Variants in DLG2 observed in about 807,000 individuals in gnomAD.
The protein encoded by DLG2 is disks large homolog 2.
A neutral mutation model predicts 132.5 loss-of-function variants in DLG2; 45 were observed. That is an observed-to-expected ratio of 0.34 (90% CI 0.27 to 0.44). DLG2 has a LOEUF of 0.44. Ranked by LOEUF, DLG2 falls within the 20% of genes least tolerant of loss-of-function variation. DLG2 has a pLI of 1.00. For missense variants in DLG2, 1,045 were observed against 1,196.9 expected (o/e 0.87, Z 1.87); for synonymous variants, 424 against 419.6 (o/e 1.01, Z -0.13).
chr11:84,893,388 T>G (rs970848626), intron 6 of DLG2, among the ~76,000 whole-genome samples: 1 of 152,160 alleles, frequency 6.6e-6, no homozygotes, highest in Non-Finnish European at 1.5e-5. Context: ...CACAATGGGT[T>G]TCAAATGGTG....
intron 6 of DLG2, among the ~76,000 whole-genome samples, chr11:84,777,088 C>G (rs2153899368): frequency 6.6e-6 from 1 of 151,600 alleles, no homozygotes; most frequent in South Asian, 2.1e-4. Flanking sequence ...TCATTTCACT[C>G]TGTATGTCCG....
intron 2 of DLG2, among the ~76,000 whole-genome samples, chr11:85,612,203 A>G (rs2081054758): frequency 6.6e-6 from 1 of 152,260 alleles, no homozygotes; most frequent in Non-Finnish European, 1.5e-5. Context: ...GTCAGTGTCA[A>G]CAAGGGCATA....
At chr11:84,549,594 A>T (rs1293524932) in intron 6 of DLG2, among the ~76,000 whole-genome samples, 5 of 152,182 alleles carry the variant, frequency 3.3e-5, no homozygotes, top group Admixed American at 6.6e-5. Flanking sequence ...GGAAGTATGA[A>T]GGCTCTCTGA....
intron 9 of DLG2, among the ~76,000 whole-genome samples, chr11:84,127,095 TG>T (rs568863524): frequency 1.5e-4 from 23 of 152,334 alleles, no homozygotes; most frequent in African/African-American, 4.8e-4. Context: ...AAACAATTTT[TG>T]TATAATCTAG....
chr11:85,180,469 G>C (rs911071814), intron 4 of DLG2, among the ~76,000 whole-genome samples: 4 of 151,706 alleles, frequency 2.6e-5, no homozygotes, highest in African/African-American at 9.7e-5. Context: ...ACGATGTTGT[G>C]TTATCTTACT....
At chr11:84,278,177 C>CT (rs1392011116) in intron 7 of DLG2, among the ~76,000 whole-genome samples, 2 of 151,322 alleles carry the variant, frequency 1.3e-5, no homozygotes, top group Non-Finnish European at 2.9e-5. Flanking sequence ...ACATGAGCCA[C>CT]TGTACCTGGC....
intron 3 of DLG2, among the ~76,000 whole-genome samples, chr11:85,486,532 C>A (rs1033138430): frequency 3.9e-5 from 6 of 152,130 alleles, no homozygotes; most frequent in Admixed American, 2.0e-4. Context: ...AATTTTTTAG[C>A]CCAGTCTACC....
intron 6 of DLG2, among the ~76,000 whole-genome samples, chr11:85,078,037 C>T (rs749724480): frequency 6.6e-6 from 1 of 151,670 alleles, no homozygotes; most frequent in South Asian, 2.1e-4. Context: ...GTATTATTAC[C>T]TTTTTTACAT....
intron 18 of DLG2, among the ~76,000 whole-genome samples, chr11:83,711,984 C>CAAAA (rs1445707966): frequency 6.6e-6 from 1 of 151,760 alleles, no homozygotes; most frequent in Non-Finnish European, 1.5e-5. Flanking sequence ...AGTCAAAAAG[C>CAAAA]AAAAAACAAA....
chr11:85,502,408 A>T (rs2153131956), intron 3 of DLG2, among the ~76,000 whole-genome samples: 1 of 151,670 alleles, frequency 6.6e-6, no homozygotes, highest in Middle Eastern at 3.4e-3. Flanking sequence ...GTAACCCAGA[A>T]CTTAAAGTAT....
chr11:85,132,373 T>G (rs2075782716), intron 5 of DLG2, among the ~76,000 whole-genome samples: 1 of 151,888 alleles, frequency 6.6e-6, no homozygotes, highest in South Asian at 2.1e-4. Flanking sequence ...GAAGACATGG[T>G]TTTTAAATGA....
chr11:83,504,059 G>A (rs2139351336), intron 21 of DLG2, among the ~76,000 whole-genome samples: 1 of 152,262 alleles, frequency 6.6e-6, no homozygotes, highest in Non-Finnish European at 1.5e-5. Flanking sequence ...TATGTCACAT[G>A]ATAAAGGAAA....
At chr11:83,474,464 A>T (rs1282368662) in intron 22 of DLG2, among the ~76,000 whole-genome samples, 3 of 152,164 alleles carry the variant, frequency 2.0e-5, no homozygotes, top group South Asian at 2.1e-4. Flanking sequence ...ATCGTAGACT[A>T]ACATTGCAAT....
At position 84,218,220 on chromosome 11, in the gene DLG2, A is replaced by AAAGG. The variant is rs199508712; in HGVS notation, c.573+33014_573+33017dup. On this transcript the variant is annotated intron_variant, in intron 8 of 27. Coordinates refer to ENST00000376104, the MANE Select transcript of DLG2 (RefSeq NM_001142699.3). ...AAGGAAAGGAAGGAAGGAAGGAAAG[A>AAAGG]AAGGAAGGAAGGAAGGAAAGGAAGG... is the stretch of plus-strand genomic sequence containing the variant. Among the ~76,000 whole-genome samples, 453 of 149,422 alleles carry AAAGG rather than the reference A, an allele frequency of 3.0e-3. 8 individuals carry two copies. The highest frequency in any genetic ancestry group is 0.014 in the East Asian group (70 of 5,070).
chr11:84,783,486 T>G (rs750961449), intron 6 of DLG2, among the ~76,000 whole-genome samples: 12 of 152,212 alleles, frequency 7.9e-5, no homozygotes, highest in African/African-American at 2.9e-4. Context: ...GTTCAACTTA[T>G]GTACTTGCTC....
chr11:83,584,658 A>C (rs2097050383), intron 19 of DLG2, among the ~76,000 whole-genome samples: 1 of 152,232 alleles, frequency 6.6e-6, no homozygotes, highest in Non-Finnish European at 1.5e-5. Flanking sequence ...AATAGAAATG[A>C]AACTCTAAAG....
At position 84,098,993 on chromosome 11, in the gene DLG2, C is replaced by T. The variant is rs1315190294; in HGVS notation, c.679G>A (p.Gly227Arg). 6.2e-7 allele frequency: 1 copy of T among 1,613,522 alleles called. No individual in the cohort carries two copies. Among genetic ancestry groups the T allele is most frequent in the South Asian group, 1.1e-5 (1 of 91,052 alleles). Residue 227 changes from glycine (G) to arginine (R), a missense_variant, in exon 10 of 28, where the codon GGA becomes AGA. Transcript: ENST00000376104. ...GTAATAAATATGCCAGGGTCATCTCCAATGTGGGGATTATCTGTCCCCCCA... is the reference window on the plus strand; with the variant it reads ...GTAATAAATATGCCAGGGTCATCTCTAATGTGGGGATTATCTGTCCCCCCA... The part of the protein sequence containing the change: ...IAGGTDNPHI[G>R]DDPGIFITKI...
chr11:84,773,738 C>T (rs2069850128), intron 6 of DLG2, among the ~76,000 whole-genome samples: 1 of 152,052 alleles, frequency 6.6e-6, no homozygotes. Context: ...ATTTCAACAT[C>T]CCTTCATAAT....
intron 6 of DLG2, among the ~76,000 whole-genome samples, chr11:84,535,346 T>C (rs1297180760): frequency 1.3e-5 from 2 of 152,220 alleles, no homozygotes; most frequent in Non-Finnish European, 2.9e-5. Context: ...AGATCACAAT[T>C]TTTAGAAGCA....
Sources: gnomAD v4.1 joint callset for allele counts (sites outside exome capture counted in the v4.1 genomes callset) on GRCh38, gnomAD v4.1.1 for gene constraint, MANE v1.5 for transcripts, NCBI Gene and HGNC (gene_info 2026-07-23, HGNC 2026-07-21) for gene names.